Variants in WDR19 observed in about 807,000 individuals in gnomAD.
The protein encoded by WDR19 is WD repeat domain 19.
A neutral mutation model predicts 180.0 loss-of-function variants in WDR19; 121 were observed. The ratio of observed to expected loss-of-function variants is 0.67; its 90% CI spans 0.58 to 0.78. The LOEUF is 0.78. Among genes scored for constraint, WDR19 ranks in the 30% least tolerant of loss-of-function variants. The pLI, the probability that WDR19 is intolerant of heterozygous loss-of-function variation, is 0.00. For synonymous variants in WDR19, 497 were observed against 540.7 expected (o/e 0.92, Z 1.12); for missense variants, 1,450 against 1,640.7 (o/e 0.88, Z 2.01).
At chr4:39,259,777 G>T (rs770114830) in intron 28 of WDR19, among the ~76,000 whole-genome samples, 1 of 152,300 alleles carries the variant, frequency 6.6e-6, no homozygotes, top group East Asian at 1.9e-4. Context: ...TGTAAACTCT[G>T]TGTTTAACAT....
chr4:39,223,962 C>T (rs1053713436), intron 14 of WDR19, among the ~76,000 whole-genome samples: 6 of 152,084 alleles, frequency 3.9e-5, no homozygotes, highest in Non-Finnish European at 7.4e-5. Context: ...ATGTTAATTT[C>T]CCATCCATGA....
Position 39,182,610 on chromosome 4 carries a change from C to G in WDR19, c.6+47C>G, listed in dbSNP as rs377360991. On this transcript the variant is annotated intron_variant, in intron 1 of 36. Coordinates refer to ENST00000399820, the MANE Select transcript of WDR19 (RefSeq NM_025132.4). The stretch of plus-strand genomic sequence containing the variant: ...GGGGTGGGGCGGGAAAACGCGACTA[C>G]TGGCCCTTGGTCGCTTTTAAAAGAG... 1.9e-5 allele frequency: 30 copies of G among 1,612,986 alleles called. No homozygotes were observed. The African/African-American group carries it at 3.7e-4, about 20-fold the overall frequency.
At chr4:39,201,364 C>G (rs1167863524) in intron 6 of WDR19, among the ~76,000 whole-genome samples, 1 of 152,132 alleles carries the variant, frequency 6.6e-6, no homozygotes, top group Non-Finnish European at 1.5e-5. Flanking sequence ...ATGACTAGAA[C>G]CTAGTCATGT....
At chr4:39,245,041 A>G (rs1022200824) in intron 23 of WDR19, among the ~76,000 whole-genome samples, 46 of 150,660 alleles carry the variant, frequency 3.1e-4, no homozygotes, top group African/African-American at 1.1e-3. Context: ...GGTTCTAGCA[A>G]TTCTCCTGCC....
At chr4:39,219,150 A>G (rs1307660706) in intron 14 of WDR19, 2 of 152,262 alleles carry the variant, frequency 1.3e-5, no homozygotes, top group Admixed American at 1.3e-4. Context: ...TAAAAAGTAT[A>G]GTATGATAAA....
chr4:39,285,079 GAC>G (rs34494427), intron 36 of WDR19, among the ~76,000 whole-genome samples: 2 of 150,836 alleles, frequency 1.3e-5, no homozygotes, highest in Admixed American at 6.6e-5. Context: ...AAAAAAAAAA[GAC>G]ACACACAAAG....
At chr4:39,281,262 G>GAGAGAGAGAGAGAGAGAT in intron 36 of WDR19, among the ~76,000 whole-genome samples, 1 of 147,316 alleles carries the variant, frequency 6.8e-6, no homozygotes, top group Non-Finnish European at 1.5e-5. Context: ...GAGAGAGAGA[G>GAGAGAGAGAGAGAGAGAT]AAAGCCTACT....
chr4:39,189,692 T>C lies in WDR19; in HGVS notation c.201T>C (p.Asp67=), dbSNP rs1725945222. The part of the protein sequence containing the change: ...CVAMDWDKDG[D]VLAVIAEKSS... ...CCATGGATTGGGATAAAGATGGAGA[T>C]GTCCTAGCAGTGATTGCTGAGAAAT... The change falls in exon 4 of 37, where the codon GAT becomes GAC. Residue 67 remains aspartate (D), a synonymous_variant. Coordinates refer to ENST00000399820, the MANE Select transcript of WDR19 (RefSeq NM_025132.4). The C allele has an allele frequency of 6.2e-7, 1 of 1,608,228 alleles. No homozygotes were observed.
At chr4:39,217,081 A>C in intron 12 of WDR19, 53 bp from the exon 13 acceptor site, 6 of 1,245,764 alleles carry the variant, frequency 4.8e-6, no homozygotes, top group Non-Finnish European at 4.5e-6. Flanking sequence ...GCAAGTAGGT[A>C]TGAGATAGTT....
At chr4:39,226,861 T>C (rs2109354426) in intron 15 of WDR19, among the ~76,000 whole-genome samples, 1 of 152,334 alleles carries the variant, frequency 6.6e-6, no homozygotes, top group South Asian at 2.1e-4. Flanking sequence ...ATATTTAATT[T>C]AACCCTTGAG....
intron 36 of WDR19, among the ~76,000 whole-genome samples, chr4:39,280,195 C>T (rs2109532564): frequency 7.3e-6 from 1 of 136,274 alleles, no homozygotes; most frequent in South Asian, 2.3e-4. Flanking sequence ...CTCCTAGGCT[C>T]AAACAATCCT....
intron 7 of WDR19, 85 bp from the exon 8 acceptor site, chr4:39,205,069 T>A (rs562263550): frequency 2.2e-6 from 2 of 911,766 alleles, no homozygotes; most frequent in East Asian, 2.7e-5. Flanking sequence ...TTTCACAAAT[T>A]AGGTTCAGCT....
chr4:39,218,489 A>G (rs1287844072), intron 14 of WDR19: 1 of 166,030 alleles, frequency 6.0e-6, no homozygotes, highest in African/African-American at 2.4e-5. Context: ...GGTACAGTAT[A>G]TGTGTGATAT....
At chr4:39,244,644 C>G in intron 23 of WDR19, 92 bp downstream of exon 23, 1 of 1,340,672 alleles carries the variant, frequency 7.5e-7, no homozygotes, top group South Asian at 1.2e-5. Flanking sequence ...TGCTTTCTCT[C>G]TGTCCATTCT....
At chr4:39,256,975 T>A (rs1490839557) in intron 27 of WDR19, among the ~76,000 whole-genome samples, 1 of 152,230 alleles carries the variant, frequency 6.6e-6, no homozygotes, top group Non-Finnish European at 1.5e-5. Context: ...CTTTTTATAG[T>A]TGTAAATTTC....
intron 20 of WDR19, among the ~76,000 whole-genome samples, chr4:39,235,615 T>C (rs1282627545): frequency 6.6e-6 from 1 of 152,186 alleles, no homozygotes; most frequent in African/African-American, 2.4e-5. Flanking sequence ...TTATAGTTTT[T>C]TCTAACAAAA....
chr4:39,206,804 G>A (rs550433361), intron 9 of WDR19, among the ~76,000 whole-genome samples: 17 of 152,194 alleles, frequency 1.1e-4, no homozygotes, highest in Admixed American at 3.3e-4. Flanking sequence ...CTGCAAAGGC[G>A]TTGAAAATAG....
chr4:39,208,678 T>G (rs1464371823), intron 9 of WDR19, among the ~76,000 whole-genome samples: 1 of 152,124 alleles, frequency 6.6e-6, no homozygotes, highest in Non-Finnish European at 1.5e-5. Flanking sequence ...TATAACCATG[T>G]AAAAGGATAG....
chr4:39,220,649 A>G (rs1729587032), intron 14 of WDR19, among the ~76,000 whole-genome samples: 2 of 116,888 alleles, frequency 1.7e-5, no homozygotes, highest in Admixed American at 1.2e-4. Flanking sequence ...AGCTGGGATT[A>G]CAGGTACCCG....
Sources: allele counts gnomAD v4.1 joint callset (sites outside exome capture counted in the v4.1 genomes callset), GRCh38; gene constraint gnomAD v4.1.1; transcripts MANE v1.5; gene names NCBI Gene and HGNC (gene_info 2026-07-23, HGNC 2026-07-21).